ADAM18: variants seen among roughly 807,000 people sequenced by gnomAD.
The protein encoded by ADAM18 is ADAM metallopeptidase domain 18.
ADAM18 carries 117 observed loss-of-function variants against 94.4 expected under a neutral mutation model. The observed-to-expected ratio is 1.24, with a 90% CI of 1.07 to 1.45. The LOEUF (loss-of-function observed/expected upper bound fraction) is 1.45. ADAM18 is among the 40% of genes most tolerant of loss of function. ADAM18 has a pLI of 0.00. For missense variants in ADAM18, 936 were observed against 880.0 expected (o/e 1.06, Z -0.81); for synonymous variants, 327 against 291.6 (o/e 1.12, Z -1.24).
chr8:39,696,569 C>T (rs1461651570), intron 17 of ADAM18, among the ~76,000 whole-genome samples: 2 of 151,416 alleles, frequency 1.3e-5, no homozygotes, highest in African/African-American at 4.8e-5. Context: ...AGATAAGAGT[C>T]TAACTATATT....
intron 18 of ADAM18, among the ~76,000 whole-genome samples, chr8:39,711,174 G>A (rs1822385755): frequency 6.6e-6 from 1 of 152,154 alleles, no homozygotes; most frequent in Non-Finnish European, 1.5e-5. Context: ...AGACTTCAGT[G>A]ACTACAAAGC....
chr8:39,684,220 G>A (rs1034315573), intron 16 of ADAM18, among the ~76,000 whole-genome samples: 2 of 151,930 alleles, frequency 1.3e-5, no homozygotes, highest in African/African-American at 4.8e-5. Context: ...TCTGTGAAAT[G>A]ATCACTACCT....
chr8:39,676,697 G>A (rs530700540), intron 14 of ADAM18, among the ~76,000 whole-genome samples: 2 of 152,174 alleles, frequency 1.3e-5, no homozygotes, highest in Non-Finnish European at 2.9e-5. Context: ...TACCTCAGTT[G>A]GAAATGCAGA....
chr8:39,695,863 G>T (rs1261780393), intron 17 of ADAM18, among the ~76,000 whole-genome samples: 1 of 151,076 alleles, frequency 6.6e-6, no homozygotes, highest in Non-Finnish European at 1.5e-5. Flanking sequence ...AAATAATATT[G>T]CTATGAACAT....
chr8:39,638,560 A>G lies in ADAM18; in HGVS notation c.909+14A>G. On this transcript the variant is annotated intron_variant, in intron 10 of 19. Transcript: ENST00000265707. ...GGTATTGCTATGGTATGTAATTTTT[A>G]TTCTTCTTTACATCACTATTTTTAG... 2.0e-6 allele frequency: 3 copies of G among 1,482,506 alleles called. No homozygotes were observed. The highest frequency in any genetic ancestry group is 1.4e-5 in the African/African-American group (1 of 70,498). 91.8% of individuals were successfully genotyped at this position (1,482,506 alleles called of 1,614,324 possible).
chr8:39,599,666 AATGTC>A (rs1019971581), intron 2 of ADAM18, among the ~76,000 whole-genome samples: 1 of 152,120 alleles, frequency 6.6e-6, no homozygotes, highest in African/African-American at 2.4e-5. Context: ...ACTTTTAAAA[AATGTC>A]ATGTTTTTGA....
chr8:39,719,952 A>G (rs1463346447), intron 18 of ADAM18, among the ~76,000 whole-genome samples: 1 of 151,504 alleles, frequency 6.6e-6, no homozygotes, highest in Non-Finnish European at 1.5e-5. Flanking sequence ...ATAAATGTAT[A>G]TAGTAACAAT....
In ADAM18 at chr8:39,637,437, T is replaced by A. The variant is rs1820110374; in HGVS notation, c.661-100T>A. The A allele has an allele frequency of 2.9e-6, 4 of 1,401,530 alleles. No individual in the cohort carries two copies. The East Asian group carries it at 9.6e-5, about 34-fold the overall frequency. The allele number at this position is 1,401,530 out of a possible 1,614,324, so 86.8% of individuals were successfully genotyped here. On this transcript the variant is annotated intron_variant, in intron 8 of 19. Coordinates refer to ENST00000265707, the MANE Select transcript of ADAM18 (RefSeq NM_014237.3). ...AATAACTTAAATACTTTTTATTAGTTTAATACTGAAAATACTGGAACATGT... is the reference window on the plus strand; with the variant it reads ...AATAACTTAAATACTTTTTATTAGTATAATACTGAAAATACTGGAACATGT...
At chr8:39,601,825 C>T (rs2129458316) in intron 2 of ADAM18, among the ~76,000 whole-genome samples, 1 of 152,218 alleles carries the variant, frequency 6.6e-6, no homozygotes. Context: ...ATACTAATTT[C>T]CTTGATGGCC....
At chr8:39,604,057 G>A (rs1818988436) in intron 2 of ADAM18, among the ~76,000 whole-genome samples, 1 of 152,102 alleles carries the variant, frequency 6.6e-6, no homozygotes, top group Admixed American at 6.6e-5. Flanking sequence ...ATGATTTTCT[G>A]TCTTTTCTTC....
intron 12 of ADAM18, among the ~76,000 whole-genome samples, chr8:39,657,563 G>A (rs192219855): frequency 2.0e-5 from 3 of 152,184 alleles, no homozygotes; most frequent in Non-Finnish European, 2.9e-5. Flanking sequence ...TGATCCACCC[G>A]CTTTGGCTTC....
intron 16 of ADAM18, among the ~76,000 whole-genome samples, chr8:39,684,074 G>A (rs977210163): frequency 1.3e-5 from 2 of 152,122 alleles, no homozygotes; most frequent in African/African-American, 4.8e-5. Context: ...GAACTCAGGA[G>A]ATTGAAGCTT....
Position 39,602,151 on chromosome 8 carries a change from A to G in ADAM18, c.133-4156A>G, listed in dbSNP as rs899171352. ...TTGGTGTGCAGATAACCTCTTCAAG[A>G]TACTGCTTTGAATTGTTTTGGATGC... is the stretch of plus-strand genomic sequence containing the variant. On this transcript the variant is annotated intron_variant, in intron 2 of 19. Transcript: ENST00000265707. 3.3e-5 allele frequency among the ~76,000 whole-genome samples: 5 copies of G among 152,274 alleles called. No individual in the cohort carries two copies. In the South Asian group the frequency reaches 1.0e-3, roughly 32 times the overall value.
rs1192786055 is a variant in ADAM18 at position 39,668,153 on chromosome 8, A to G, written c.1482A>G (p.Gln494=). The G allele has an allele frequency of 1.2e-6, 2 of 1,614,078 alleles. No individual in the cohort carries two copies. The highest frequency in any genetic ancestry group is 1.7e-6 in the Non-Finnish European group (2 of 1,179,992). The stretch of plus-strand genomic sequence containing the variant: ...GAACTGCCTATTGCTATAACGGACA[A>G]TGTCAAACTACTGATAACCAGTGTG... ...KLGTAYCYNG[Q]CQTTDNQCAK... The change falls in exon 14 of 20, where the codon CAA becomes CAG. Residue 494 remains glutamine (Q), a synonymous_variant. Coordinates refer to ENST00000265707, the MANE Select transcript of ADAM18 (RefSeq NM_014237.3).
chr8:39,617,672 A>G (rs749473449), intron 6 of ADAM18, among the ~76,000 whole-genome samples: 1 of 152,248 alleles, frequency 6.6e-6, no homozygotes, highest in Non-Finnish European at 1.5e-5. Flanking sequence ...GAATACTGAA[A>G]TTATGTTCTG....
chr8:39,624,524 G>C (rs915328480), intron 6 of ADAM18, among the ~76,000 whole-genome samples: 1 of 152,150 alleles, frequency 6.6e-6, no homozygotes, highest in Non-Finnish European at 1.5e-5. Flanking sequence ...TTTTATACCA[G>C]TACAATGCTA....
chr8:39,726,278 TTGTG>T (rs752595824), intron 19 of ADAM18, among the ~76,000 whole-genome samples: 91 of 134,792 alleles, frequency 6.8e-4, no homozygotes, highest in African/African-American at 2.5e-3. Context: ...ACACACACAT[TTGTG>T]TGTGTGTGTG....
chr8:39,611,774 T>TA (rs1432964487), intron 6 of ADAM18, among the ~76,000 whole-genome samples: 1 of 152,046 alleles, frequency 6.6e-6, no homozygotes, highest in African/African-American at 2.4e-5. Flanking sequence ...ACCAAATGTA[T>TA]AAAAAATAGA....
Position 39,645,180 on chromosome 8 carries a change from T to C in ADAM18, c.910-158T>C, listed in dbSNP as rs1378327562. On this transcript the variant is annotated intron_variant, in intron 10 of 19. Transcript: ENST00000265707. Reference sequence around the variant, plus strand: ...GTTTCATGCTTCTTAATCAATAAATTACGGCAGATAAATAAATGGCATACC... The same window carrying C: ...GTTTCATGCTTCTTAATCAATAAATCACGGCAGATAAATAAATGGCATACC... Among the ~76,000 whole-genome samples the C allele has an allele frequency of 2.0e-5, 3 of 152,312 alleles. 1 individual carries two copies. Among genetic ancestry groups the C allele is most frequent in the Middle Eastern group, 6.8e-3 (2 of 294 alleles).
Sources: gnomAD v4.1 joint callset for allele counts (sites outside exome capture counted in the v4.1 genomes callset) on GRCh38, gnomAD v4.1.1 for gene constraint, MANE v1.5 for transcripts, NCBI Gene and HGNC (gene_info 2026-07-23, HGNC 2026-07-21) for gene names.